Variants in WWC1 observed in about 807,000 individuals in gnomAD.
The protein encoded by WWC1 is protein KIBRA.
In WWC1, 55 loss-of-function variants were observed where a neutral mutation model predicts 138.4. That is an observed-to-expected ratio of 0.40 (90% CI 0.32 to 0.50). The LOEUF is 0.50. Among genes scored for constraint, WWC1 ranks in the 20% least tolerant of loss-of-function variants. The probability of loss-of-function intolerance (pLI) is 0.72; values close to 1 mark genes in which losing one functional copy is unlikely to be tolerated. For synonymous variants in WWC1, 524 were observed against 564.9 expected (o/e 0.93, Z 1.03); for missense variants, 1,226 against 1,420.4 (o/e 0.86, Z 2.20).
At chr5:168,370,890 A>G (rs1442676660) in intron 1 of WWC1, among the ~76,000 whole-genome samples, 1 of 152,216 alleles carries the variant, frequency 6.6e-6, no homozygotes, top group Non-Finnish European at 1.5e-5. Flanking sequence ...AGGAAAATAA[A>G]TACTGCTCAT....
At chr5:168,331,348 C>A (rs970369389) in intron 1 of WWC1, among the ~76,000 whole-genome samples, 2 of 152,198 alleles carry the variant, frequency 1.3e-5, no homozygotes, top group Non-Finnish European at 2.9e-5. Context: ...TTATCTGTTC[C>A]ATAGAAATGT....
intron 11 of WWC1, 63 bp downstream of exon 11, chr5:168,424,131 GAACCCCC>G: frequency 6.6e-7 from 1 of 1,515,790 alleles, no homozygotes; most frequent in South Asian, 1.3e-5. Context: ...TCTGTGCTCA[GAACCCCC>G]CAGTGATCAT....
At chr5:168,460,547 A>G (rs1756716197) in intron 19 of WWC1, 103 bp from the exon 20 acceptor site, 4 of 1,024,168 alleles carry the variant, frequency 3.9e-6, no homozygotes, top group Non-Finnish European at 5.9e-6. Flanking sequence ...AAGGAGAGGA[A>G]GGACTGTGCC....
At chr5:168,393,340 G>A (rs1778648214) in intron 3 of WWC1, among the ~76,000 whole-genome samples, 1 of 151,892 alleles carries the variant, frequency 6.6e-6, no homozygotes, top group Non-Finnish European at 1.5e-5. Context: ...TCAAACACTG[G>A]GACAATTCAA....
At chr5:168,439,400 G>C (rs1754542833) in intron 15 of WWC1, among the ~76,000 whole-genome samples, 1 of 151,812 alleles carries the variant, frequency 6.6e-6, no homozygotes, top group Non-Finnish European at 1.5e-5. Context: ...TGAGGTGGGT[G>C]GATCACCTGA....
Position 168,422,083 on chromosome 5 carries a change from C to G in WWC1, c.1260C>G (p.His420Gln). 6.2e-7 allele frequency: 1 copy of G among 1,612,982 alleles called. No homozygotes were observed. The highest frequency in any genetic ancestry group is 8.5e-7 in the Non-Finnish European group (1 of 1,179,374). ...EEATRQVATL[H>Q]SQLKSLSSSM... ...CCACCCGGCAGGTGGCAACTCTGCA[C>G]TCCCAGCTGAAAAGGTGAGTGGTGG... Residue 420 changes from histidine to glutamine, a missense_variant, in exon 10 of 23, where the codon CAC (histidine) becomes CAG (glutamine). This residue lies in a region of WWC1 where 1,016 missense variants were observed against 1,153.9 expected (regional missense o/e 0.88). Coordinates refer to ENST00000265293, the MANE Select transcript of WWC1 (RefSeq NM_015238.3).
At chr5:168,330,681 T>C (rs1772956182) in intron 1 of WWC1, among the ~76,000 whole-genome samples, 1 of 151,982 alleles carries the variant, frequency 6.6e-6, no homozygotes, top group Non-Finnish European at 1.5e-5. Context: ...TGGAAGGGGT[T>C]GGGGCTGTTG....
intron 1 of WWC1, among the ~76,000 whole-genome samples, chr5:168,368,387 CTTAA>C (rs897772622): frequency 2.0e-5 from 3 of 152,188 alleles, no homozygotes; most frequent in African/African-American, 2.4e-5. Context: ...ATTAAAATCA[CTTAA>C]TTAATCTCCA....
chr5:168,333,574 C>T (rs1001898978), intron 1 of WWC1, among the ~76,000 whole-genome samples: 2 of 152,138 alleles, frequency 1.3e-5, no homozygotes, highest in Admixed American at 1.3e-4. Context: ...ACTTTTGCAA[C>T]CTGTAGAGGC....
At position 168,429,256 on chromosome 5, in the gene WWC1, A is replaced by ATT. The variant is rs67280988; in HGVS notation, c.2000+489_2000+490dup. 9.6e-3 allele frequency among the ~76,000 whole-genome samples: 1,112 copies of ATT among 116,380 alleles called. 17 individuals are homozygous for ATT. The highest frequency in any genetic ancestry group is 0.011 in the African/African-American group (295 of 27,904). The allele number at this position is 116,380 out of a possible 152,430, so 76.3% of individuals were successfully genotyped here. On this transcript the variant is annotated intron_variant, in intron 13 of 22. Transcript: ENST00000265293. The stretch of plus-strand genomic sequence containing the variant: ...TTTGTTGGGGGATGATATGATCTCA[A>ATT]TTTTTTTTTTTTTTTTTTTTTGAGA...
intron 10 of WWC1, 51 bp downstream of exon 10, chr5:168,422,148 G>A (rs756487570): frequency 1.3e-6 from 2 of 1,568,700 alleles, no homozygotes; most frequent in East Asian, 2.3e-5. Context: ...GCCAGACATG[G>A]GTGTCCCCAG....
At chr5:168,454,559 C>T (rs1756129467) in intron 18 of WWC1, among the ~76,000 whole-genome samples, 1 of 152,230 alleles carries the variant, frequency 6.6e-6, no homozygotes, top group South Asian at 2.1e-4. Flanking sequence ...TCCCTGCTTC[C>T]CTGCTGCACT....
At chr5:168,421,321 C>T (rs1781073244) in intron 9 of WWC1, among the ~76,000 whole-genome samples, 1 of 152,234 alleles carries the variant, frequency 6.6e-6, no homozygotes. Context: ...AGGCAGGGTA[C>T]ACACCACCAG....
chr5:168,345,056 T>TA (rs1774358784), intron 1 of WWC1, among the ~76,000 whole-genome samples: 1 of 152,226 alleles, frequency 6.6e-6, no homozygotes, highest in Non-Finnish European at 1.5e-5. Flanking sequence ...TTGAAGGTTT[T>TA]ATCTGTTTTC....
At chr5:168,460,395 G>A (rs1377708642) in intron 19 of WWC1, among the ~76,000 whole-genome samples, 6 of 152,216 alleles carry the variant, frequency 3.9e-5, no homozygotes, top group Non-Finnish European at 5.9e-5. Flanking sequence ...TGTTGGAAAG[G>A]TTCAATGGGA....
intron 1 of WWC1, among the ~76,000 whole-genome samples, chr5:168,367,886 T>A (rs974947717): frequency 5.3e-5 from 8 of 151,910 alleles, no homozygotes; most frequent in African/African-American, 1.9e-4. Flanking sequence ...AGAGAAGAAA[T>A]AAAATTACAC....
At chr5:168,431,490 CT>C (rs1781940555) in intron 15 of WWC1, 46 bp downstream of exon 15, 2 of 1,559,670 alleles carry the variant, frequency 1.3e-6, no homozygotes, top group Admixed American at 3.5e-5. Context: ...GGCTGGCTGG[CT>C]GGCTGGCTGG....
At chr5:168,294,234 A>G (rs1194889477) in intron 1 of WWC1, among the ~76,000 whole-genome samples, 1 of 152,004 alleles carries the variant, frequency 6.6e-6, no homozygotes, top group African/African-American at 2.4e-5. Flanking sequence ...CTGGAGCACA[A>G]TCTCCCAAAT....
chr5:168,327,654 T>C (rs1772679083), intron 1 of WWC1, among the ~76,000 whole-genome samples: 1 of 152,220 alleles, frequency 6.6e-6, no homozygotes, highest in Non-Finnish European at 1.5e-5. Flanking sequence ...GGGCTCTGGA[T>C]CTGCTTTGTC....
Sources: gnomAD v4.1 joint callset for allele counts (sites outside exome capture counted in the v4.1 genomes callset) on GRCh38, gnomAD v4.1.1 for gene constraint, gnomAD v4.1.1 regional missense constraint, MANE v1.5 for transcripts, NCBI Gene and HGNC (gene_info 2026-07-23, HGNC 2026-07-21) for gene names.